GAB2: variants seen among roughly 807,000 people sequenced by gnomAD.
The protein encoded by GAB2 is GRB2 associated binding protein 2.
In GAB2, 26 loss-of-function variants were observed where a neutral mutation model predicts 65.5. That is an observed-to-expected ratio of 0.40 (90% CI 0.29 to 0.55). The LOEUF (loss-of-function observed/expected upper bound fraction) is 0.55, where lower values mean the gene tolerates loss of function less well. Ranked by LOEUF, GAB2 falls within the 20% of genes least tolerant of loss-of-function variation. The pLI is 0.53. For missense variants in GAB2, 884 were observed against 875.8 expected, an observed-to-expected ratio of 1.01 and a Z score of -0.12; for synonymous variants, 321 against 329.6, an observed-to-expected ratio of 0.97 and a Z score of 0.28.
At chr11:78,370,581 G>A (rs1315947748) in intron 1 of GAB2, among the ~76,000 whole-genome samples, 1 of 152,090 alleles carries the variant, frequency 6.6e-6, no homozygotes, top group Non-Finnish European at 1.5e-5. Flanking sequence ...GGAAAGAATA[G>A]GAGGGAAAGG....
At chr11:78,331,088 T>C (rs1011460555) in intron 1 of GAB2, among the ~76,000 whole-genome samples, 6 of 151,784 alleles carry the variant, frequency 4.0e-5, no homozygotes, top group East Asian at 2.0e-4. Flanking sequence ...GGCGGGACAA[T>C]TGCATGAACC....
intron 1 of GAB2, among the ~76,000 whole-genome samples, chr11:78,346,574 TGAGAAGAGAA>T (rs199705805): frequency 1.7e-5 from 2 of 118,678 alleles, no homozygotes; most frequent in East Asian, 2.8e-4. Flanking sequence ...TCATGCTGCC[TGAGAAGAGAA>T]GAGAAGAGAA....
chr11:78,381,406 G>C (rs1374468416), intron 1 of GAB2, among the ~76,000 whole-genome samples: 1 of 152,154 alleles, frequency 6.6e-6, no homozygotes, highest in Admixed American at 6.5e-5. Context: ...TGAGAGATGA[G>C]TCTCAAAAAA....
chr11:78,261,533 T>G (rs1865732045), intron 2 of GAB2, among the ~76,000 whole-genome samples: 1 of 152,224 alleles, frequency 6.6e-6, no homozygotes, highest in African/African-American at 2.4e-5. Flanking sequence ...GCTGTTGATT[T>G]GCAAGAGGTC....
intron 3 of GAB2, among the ~76,000 whole-genome samples, chr11:78,235,628 A>C (rs529306540): frequency 7.2e-5 from 11 of 152,298 alleles, no homozygotes; most frequent in South Asian, 6.2e-4. Flanking sequence ...TCAAAGTTCC[A>C]CAAATCTCTA....
At chr11:78,335,378 T>C (rs1423801240) in intron 1 of GAB2, among the ~76,000 whole-genome samples, 2 of 152,242 alleles carry the variant, frequency 1.3e-5, no homozygotes, top group Non-Finnish European at 2.9e-5. Flanking sequence ...TTAGAGGTTT[T>C]AGATTTAAGT....
At chr11:78,382,086 T>G (rs181672152) in intron 1 of GAB2, among the ~76,000 whole-genome samples, 2 of 152,334 alleles carry the variant, frequency 1.3e-5, no homozygotes, top group East Asian at 3.9e-4. Context: ...AGTCCAAGTT[T>G]TACTGATCCC....
At chr11:78,414,975 G>A (rs544701384) in intron 1 of GAB2, among the ~76,000 whole-genome samples, 15 of 152,214 alleles carry the variant, frequency 9.9e-5, no homozygotes, top group Non-Finnish European at 2.1e-4. Flanking sequence ...GGGCTCACGC[G>A]ATTCTCATGT....
chr11:78,346,715 ATATAT>A (rs1162992033), intron 1 of GAB2, among the ~76,000 whole-genome samples: 2 of 44,014 alleles, frequency 4.5e-5, no homozygotes, highest in South Asian at 6.1e-4. Flanking sequence ...ATATATATAT[ATATAT>A]AATTTTTTTT....
At chr11:78,355,196 T>C (rs1856340468) in intron 1 of GAB2, among the ~76,000 whole-genome samples, 1 of 152,212 alleles carries the variant, frequency 6.6e-6, no homozygotes, top group African/African-American at 2.4e-5. Context: ...TTTATGTGAC[T>C]TGAGGGAAAC....
intron 1 of GAB2, among the ~76,000 whole-genome samples, chr11:78,302,859 G>A (rs1867068841): frequency 6.6e-6 from 1 of 152,094 alleles, no homozygotes. Context: ...AATACTAGTC[G>A]ACCATAAAAA....
Position 78,226,620 on chromosome 11 carries a change from G to GGGGGGGGGGGGCCCC in GAB2, c.1051_1052insGGGGCCCCCCCCCCC (p.Ala350_Pro351insArgGlyProProPro). ...ACTTGGCTTGGGGGGGCGGGGTGGG[G>GGGGGGGGGGGGCCCC]GAGCTATGGCTGAGTCCCCAGGAGT... On this transcript the variant is annotated inframe_insertion, in exon 4 of 10. Coordinates refer to ENST00000361507, the MANE Select transcript of GAB2 (RefSeq NM_080491.3). The GGGGGGGGGGGGCCCC allele has an allele frequency of 6.7e-7, 1 of 1,500,572 alleles. No homozygotes were observed. The highest frequency in any genetic ancestry group is 9.3e-7 in the Non-Finnish European group (1 of 1,079,032). The allele number at this position is 1,500,572 out of a possible 1,614,324, so 93.0% of individuals were successfully genotyped here.
intron 1 of GAB2, among the ~76,000 whole-genome samples, chr11:78,376,118 C>G (rs562687158): frequency 6.6e-6 from 1 of 152,308 alleles, no homozygotes; most frequent in African/African-American, 2.4e-5. Context: ...ACCAGATAGG[C>G]AGGGAGACTG....
At chr11:78,305,138 TG>T (rs1207871011) in intron 1 of GAB2, among the ~76,000 whole-genome samples, 1 of 152,192 alleles carries the variant, frequency 6.6e-6, no homozygotes, top group Non-Finnish European at 1.5e-5. Flanking sequence ...AATTGCCTTA[TG>T]AGTAGGGAAA....
chr11:78,311,376 A>G (rs2134644445), intron 1 of GAB2, among the ~76,000 whole-genome samples: 1 of 152,082 alleles, frequency 6.6e-6, no homozygotes, highest in African/African-American at 2.4e-5. Context: ...TTGTTACAAG[A>G]ATCAAGTAAG....
At chr11:78,350,520 T>G (rs1856259851) in intron 1 of GAB2, among the ~76,000 whole-genome samples, 1 of 152,254 alleles carries the variant, frequency 6.6e-6, no homozygotes, top group African/African-American at 2.4e-5. Context: ...AAACCAAGTT[T>G]CACTTTCTGA....
intron 1 of GAB2, among the ~76,000 whole-genome samples, chr11:78,354,936 G>A (rs138342806): frequency 1.3e-5 from 2 of 152,314 alleles, no homozygotes; most frequent in African/African-American, 4.8e-5. Flanking sequence ...AAACAGCCTG[G>A]CGGCTCCCCA....
At chr11:78,350,760 T>C (rs1208634475) in intron 1 of GAB2, among the ~76,000 whole-genome samples, 1 of 152,218 alleles carries the variant, frequency 6.6e-6, no homozygotes, top group Non-Finnish European at 1.5e-5. Flanking sequence ...AAAGCTCCTT[T>C]GCTTCCCCTT....
chr11:78,299,271 T>C (rs979274861), intron 1 of GAB2, among the ~76,000 whole-genome samples: 1 of 152,234 alleles, frequency 6.6e-6, no homozygotes, highest in African/African-American at 2.4e-5. Context: ...AAATAAACAC[T>C]TTCCTGCTCT....
Sources: gnomAD v4.1 joint callset for allele counts (sites outside exome capture counted in the v4.1 genomes callset) on GRCh38, gnomAD v4.1.1 for gene constraint, MANE v1.5 for transcripts, NCBI Gene and HGNC (gene_info 2026-07-23, HGNC 2026-07-21) for gene names.